GRIN2A: variants seen among roughly 807,000 people sequenced by gnomAD.
GRIN2A encodes the protein glutamate ionotropic receptor NMDA type subunit 2A.
Under a neutral mutation model 113.4 loss-of-function variants are expected in GRIN2A, and 22 were observed. The ratio of observed to expected loss-of-function variants is 0.19; its 90% confidence interval spans 0.14 to 0.28. GRIN2A has a LOEUF of 0.28. Ranked by LOEUF, GRIN2A falls within the 10% of genes least tolerant of loss-of-function variation. The probability of loss-of-function intolerance (pLI) is 1.00; values close to 1 mark genes in which losing one functional copy is unlikely to be tolerated. For synonymous variants in GRIN2A, 827 were observed against 738.4 expected (o/e 1.12, Z -1.94); for missense variants, 1,502 against 1,887.0 (o/e 0.80, Z 3.78).
intron 2 of GRIN2A, among the ~76,000 whole-genome samples, chr16:10,006,617 A>T (rs1001431844): frequency 3.9e-5 from 6 of 152,260 alleles, no homozygotes; most frequent in Admixed American, 1.3e-4. Flanking sequence ...AGCATTCATC[A>T]TTTCTTTCAA....
At chr16:10,093,528 A>G (rs907325157) in intron 2 of GRIN2A, among the ~76,000 whole-genome samples, 8 of 152,268 alleles carry the variant, frequency 5.3e-5, no homozygotes, top group Middle Eastern at 3.4e-3. Context: ...TGACAGTATT[A>G]TAGTCAGGTG....
At position 9,763,961 on chromosome 16, in the gene GRIN2A, C is replaced by T. The variant is rs2141130767; in HGVS notation, c.3583G>A (p.Asp1195Asn). ...GTCTCACTGTGCGGGGAACCCTTGTCTTTCAAGGTGAAGTGCTTGGAGTAG... is the reference window on the plus strand; with the variant it reads ...GTCTCACTGTGCGGGGAACCCTTGTTTTTCAAGGTGAAGTGCTTGGAGTAG... ...KLYSKHFTLK[D>N]KGSPHSETSE... Residue 1195 changes from aspartate (D) to asparagine (N), a missense_variant, in exon 13 of 13, where the codon GAC becomes AAC. This residue lies in a region of GRIN2A where 832 missense variants were observed against 789.7 expected (regional missense o/e 1.05). Transcript: ENST00000330684. The T allele has an allele frequency of 3.1e-6, 5 of 1,614,146 alleles. No individual in the cohort carries two copies. The highest frequency in any genetic ancestry group is 4.2e-6 in the Non-Finnish European group (5 of 1,180,016).
At chr16:9,803,427 CAAGAA>C (rs2041905393) in intron 10 of GRIN2A, among the ~76,000 whole-genome samples, 1 of 149,030 alleles carries the variant, frequency 6.7e-6, no homozygotes, top group African/African-American at 2.5e-5. Context: ...AAAAAAAAAA[CAAGAA>C]AGAAAAATGG....
chr16:9,790,317 AG>A (rs1366220261), intron 11 of GRIN2A, among the ~76,000 whole-genome samples: 2 of 152,228 alleles, frequency 1.3e-5, no homozygotes, highest in African/African-American at 4.8e-5. Context: ...TAGGAGGCAG[AG>A]AACCTGGGTT....
chr16:9,928,462 T>C (rs764962683), intron 3 of GRIN2A, among the ~76,000 whole-genome samples: 3 of 152,206 alleles, frequency 2.0e-5, no homozygotes, highest in Admixed American at 6.5e-5. Flanking sequence ...TTTAACTTTG[T>C]CTTTTTGTAC....
intron 2 of GRIN2A, among the ~76,000 whole-genome samples, chr16:9,992,667 C>T (rs1445352550): frequency 6.6e-6 from 1 of 152,206 alleles, no homozygotes; most frequent in Admixed American, 6.5e-5. Context: ...TATGCAGAGG[C>T]TCACTTTGCA....
intron 2 of GRIN2A, among the ~76,000 whole-genome samples, chr16:10,125,662 C>CT (rs1378737440): frequency 2.5e-4 from 4 of 15,688 alleles, no homozygotes; most frequent in Non-Finnish European, 5.6e-3. Flanking sequence ...TGTTCCGAGT[C>CT]TCCCCTCCCT....
In GRIN2A at chr16:9,757,452, T is replaced by C. The variant is rs1900396854; in HGVS notation, c.*5697A>G. 4.3e-6 allele frequency: 1 copy of C among 230,154 alleles called. No homozygotes were observed. Among genetic ancestry groups the C allele is most frequent in the Non-Finnish European group, 8.6e-6 (1 of 116,138 alleles). The allele number at this position is 230,154 out of a possible 1,614,324, so 14.3% of individuals were successfully genotyped here. ...TAGTTGTCATTTCTAATTTTTGCTG[T>C]TTAGTCTCTGTTTGCATTGCATGGG... On this transcript the variant is annotated 3_prime_UTR_variant, in exon 13 of 13. Transcript: ENST00000330684.
At chr16:9,893,821 G>A (rs894440565) in intron 3 of GRIN2A, among the ~76,000 whole-genome samples, 20 of 152,142 alleles carry the variant, frequency 1.3e-4, no homozygotes, top group African/African-American at 4.6e-4. Context: ...TAGAGACGAC[G>A]GTCAAAGAAA....
chr16:10,023,183 C>T (rs927937472), intron 2 of GRIN2A, among the ~76,000 whole-genome samples: 1 of 152,144 alleles, frequency 6.6e-6, no homozygotes, highest in Admixed American at 6.5e-5. Flanking sequence ...GAGTTGGCAA[C>T]AAACAAAAAG....
intron 2 of GRIN2A, among the ~76,000 whole-genome samples, chr16:10,130,279 G>C (rs988144918): frequency 1.9e-4 from 29 of 152,142 alleles, no homozygotes; most frequent in African/African-American, 7.0e-4. Flanking sequence ...AACATTGAGG[G>C]GAAAATCAAA....
At chr16:10,050,076 T>G (rs1212170777) in intron 2 of GRIN2A, among the ~76,000 whole-genome samples, 2 of 152,194 alleles carry the variant, frequency 1.3e-5, no homozygotes, top group African/African-American at 4.8e-5. Flanking sequence ...CGAGAAGACT[T>G]CACAGAAGTG....
At chr16:9,904,811 C>T (rs1189184710) in intron 3 of GRIN2A, among the ~76,000 whole-genome samples, 1 of 152,202 alleles carries the variant, frequency 6.6e-6, no homozygotes, top group Non-Finnish European at 1.5e-5. Flanking sequence ...AACTTTCAGT[C>T]CATAACAACC....
chr16:10,095,646 T>TC (rs1465290091), intron 2 of GRIN2A, among the ~76,000 whole-genome samples: 1 of 152,134 alleles, frequency 6.6e-6, no homozygotes, highest in African/African-American at 2.4e-5. Flanking sequence ...TATCCCGTCT[T>TC]CCTAGTGCAG....
chr16:10,063,840 T>C (rs1326944486), intron 2 of GRIN2A, among the ~76,000 whole-genome samples: 1 of 152,174 alleles, frequency 6.6e-6, no homozygotes, highest in Non-Finnish European at 1.5e-5. Context: ...CCTTCATTTC[T>C]TGCACCGCCA....
At chr16:10,107,892 G>C (rs142282024) in intron 2 of GRIN2A, among the ~76,000 whole-genome samples, 1 of 152,206 alleles carries the variant, frequency 6.6e-6, no homozygotes, top group Admixed American at 6.5e-5. Flanking sequence ...TGCACAAAAC[G>C]TGCAAAGTGC....
chr16:10,167,836 G>A (rs566579269), intron 2 of GRIN2A, among the ~76,000 whole-genome samples: 5 of 152,264 alleles, frequency 3.3e-5, no homozygotes, highest in Admixed American at 2.0e-4. Flanking sequence ...GTTTTTCTTT[G>A]GGGGGATGTG....
chr16:9,983,104 T>C (rs1255264703), intron 2 of GRIN2A, among the ~76,000 whole-genome samples: 2 of 152,222 alleles, frequency 1.3e-5, no homozygotes, highest in East Asian at 1.9e-4. Context: ...AAACTTGTCA[T>C]TTCTTGTATT....
At chr16:9,992,247 T>A (rs2046130540) in intron 2 of GRIN2A, among the ~76,000 whole-genome samples, 1 of 152,140 alleles carries the variant, frequency 6.6e-6, no homozygotes, top group African/African-American at 2.4e-5. Flanking sequence ...GCAATCCTGG[T>A]TCTTAATAAG....
Sources: allele counts gnomAD v4.1 joint callset (sites outside exome capture counted in the v4.1 genomes callset), GRCh38; gene constraint gnomAD v4.1.1; regional missense constraint gnomAD v4.1.1; transcripts MANE v1.5; gene names NCBI Gene and HGNC (gene_info 2026-07-23, HGNC 2026-07-21).